Variants in NELL2 observed in about 807,000 individuals in gnomAD.
NELL2 encodes neural EGFL like 2, also known as protein kinase C-binding protein NELL2.
A neutral mutation model predicts 109.6 loss-of-function variants in NELL2; 41 were observed. The ratio of observed to expected loss-of-function variants is 0.37; its 90% CI spans 0.29 to 0.49. NELL2 has a LOEUF of 0.49. Ranked by LOEUF, NELL2 falls within the 20% of genes least tolerant of loss-of-function variation. The probability of loss-of-function intolerance (pLI) is 0.98; values close to 1 mark genes in which losing one functional copy is unlikely to be tolerated. For missense variants in NELL2, 900 were observed against 1,008.3 expected, an observed-to-expected ratio of 0.89 and a Z score of 1.45; for synonymous variants, 355 against 344.7, an observed-to-expected ratio of 1.03 and a Z score of -0.33.
intron 2 of NELL2, among the ~76,000 whole-genome samples, chr12:44,816,921 T>A (rs1174395582): frequency 6.6e-6 from 1 of 152,240 alleles, no homozygotes; most frequent in African/African-American, 2.4e-5. Context: ...TAAAAACCTA[T>A]CATTCAAGCA....
Position 44,597,104 on chromosome 12 carries a change from C to G in NELL2, c.1663+10065G>C, listed in dbSNP as rs369080058. Among the ~76,000 whole-genome samples the G allele has an allele frequency of 1.1e-3, 167 of 152,190 alleles. 2 individuals carry two copies. In the South Asian group the frequency reaches 0.016, roughly 15 times the overall value. ...TGATCTATCCCTTTTTCCTATGGTT[C>G]TTGTGATTAGTAAATTTCTTATTTG... On this transcript the variant is annotated intron_variant, in intron 15 of 19. Transcript: ENST00000429094.
At chr12:44,713,190 A>G in intron 10 of NELL2, among the ~76,000 whole-genome samples, 1 of 147,628 alleles carries the variant, frequency 6.8e-6, no homozygotes, top group African/African-American at 2.6e-5. Flanking sequence ...ACACACACAC[A>G]CACACACACA....
intron 2 of NELL2, among the ~76,000 whole-genome samples, chr12:44,835,574 T>C (rs1308506456): frequency 2.0e-5 from 3 of 152,224 alleles, no homozygotes; most frequent in Non-Finnish European, 4.4e-5. Flanking sequence ...AACTCATAAA[T>C]GTGGCTGTGT....
chr12:44,608,137 C>G (rs1055414332), intron 14 of NELL2, among the ~76,000 whole-genome samples: 3 of 152,084 alleles, frequency 2.0e-5, no homozygotes, highest in Non-Finnish European at 2.9e-5. Context: ...CTGTAAGGCT[C>G]AGCAGCTGCT....
intron 13 of NELL2, among the ~76,000 whole-genome samples, chr12:44,653,513 T>C (rs1947377723): frequency 6.6e-6 from 1 of 152,180 alleles, no homozygotes; most frequent in Non-Finnish European, 1.5e-5. Flanking sequence ...TTGTTGTTAG[T>C]TGTGGTAGTT....
At chr12:44,687,947 A>G (rs1948779294) in intron 12 of NELL2, among the ~76,000 whole-genome samples, 1 of 152,222 alleles carries the variant, frequency 6.6e-6, no homozygotes, top group African/African-American at 2.4e-5. Context: ...CACATAAGAT[A>G]CCTGCAACTA....
chr12:44,798,527 C>T (rs74524376), intron 3 of NELL2, among the ~76,000 whole-genome samples: 3 of 151,938 alleles, frequency 2.0e-5, no homozygotes, highest in African/African-American at 4.8e-5. Context: ...TGAAACAATA[C>T]TGAAAGAAAT....
chr12:44,908,873 G>A (rs538901417), intron 1 of NELL2, among the ~76,000 whole-genome samples: 2 of 152,066 alleles, frequency 1.3e-5, no homozygotes, highest in South Asian at 4.2e-4. Context: ...CTCTTGAGTG[G>A]TGGGTAATTT....
intron 15 of NELL2, among the ~76,000 whole-genome samples, chr12:44,576,168 T>TA (rs940782792): frequency 6.6e-6 from 1 of 152,184 alleles, no homozygotes; most frequent in African/African-American, 2.4e-5. Context: ...ATGACCTCAG[T>TA]AAAGCATTCA....
At chr12:44,729,215 C>T (rs761562706) in intron 9 of NELL2, among the ~76,000 whole-genome samples, 3 of 151,766 alleles carry the variant, frequency 2.0e-5, no homozygotes, top group Admixed American at 6.6e-5. Context: ...TTTGTGACAT[C>T]AATGATAAAT....
chr12:44,910,279 A>G (rs1378445533), intron 1 of NELL2, among the ~76,000 whole-genome samples: 2 of 152,082 alleles, frequency 1.3e-5, no homozygotes, highest in Non-Finnish European at 2.9e-5. Flanking sequence ...ACAAGCAAAA[A>G]CAAATAATCC....
intron 15 of NELL2, among the ~76,000 whole-genome samples, chr12:44,534,200 A>G (rs1942203880): frequency 6.6e-6 from 1 of 152,118 alleles, no homozygotes; most frequent in African/African-American, 2.4e-5. Context: ...TAATGAATAA[A>G]TGTATACATA....
intron 9 of NELL2, among the ~76,000 whole-genome samples, chr12:44,749,550 T>C (rs957829633): frequency 3.8e-4 from 58 of 152,148 alleles, no homozygotes; most frequent in Admixed American, 3.3e-3. Flanking sequence ...AACATTTCCA[T>C]CTTTTATAGA....
intron 2 of NELL2, among the ~76,000 whole-genome samples, chr12:44,853,326 G>A (rs1446501088): frequency 6.6e-6 from 1 of 152,124 alleles, no homozygotes; most frequent in Non-Finnish European, 1.5e-5. Flanking sequence ...TAAGTTTAAG[G>A]AAATTGGTAA....
intron 15 of NELL2, among the ~76,000 whole-genome samples, chr12:44,574,150 G>GA (rs1243672184): frequency 1.3e-5 from 2 of 151,784 alleles, no homozygotes; most frequent in East Asian, 3.9e-4. Flanking sequence ...TGCAACCTCT[G>GA]TCTCTTGGGT....
intron 2 of NELL2, among the ~76,000 whole-genome samples, chr12:44,873,810 C>A (rs1409972012): frequency 6.6e-6 from 1 of 151,392 alleles, no homozygotes; most frequent in East Asian, 1.9e-4. Context: ...ATTCTGCTGA[C>A]AATGTAGCCT....
chr12:44,587,563 A>C (rs932163804), intron 15 of NELL2, among the ~76,000 whole-genome samples: 2 of 152,110 alleles, frequency 1.3e-5, no homozygotes, highest in African/African-American at 2.4e-5. Context: ...GGATTAATAC[A>C]TAGAATCACA....
chr12:44,758,181 A>G (rs945161008), intron 9 of NELL2, among the ~76,000 whole-genome samples: 5 of 152,260 alleles, frequency 3.3e-5, no homozygotes, highest in African/African-American at 1.2e-4. Flanking sequence ...GTTTTGTGTG[A>G]TAACTAGATC....
At chr12:44,831,143 A>G (rs1451782169) in intron 2 of NELL2, among the ~76,000 whole-genome samples, 1 of 152,040 alleles carries the variant, frequency 6.6e-6, no homozygotes, top group Non-Finnish European at 1.5e-5. Context: ...TTAAATACCA[A>G]TATTACCCCT....
Sources: gnomAD v4.1 joint callset for allele counts (sites outside exome capture counted in the v4.1 genomes callset) on GRCh38, gnomAD v4.1.1 for gene constraint, MANE v1.5 for transcripts, NCBI Gene and HGNC (gene_info 2026-07-23, HGNC 2026-07-21) for gene names.